The following PARD3 variants were observed in gnomAD, a reference collection of about 807,000 sequenced individuals.
The protein encoded by PARD3 is partitioning defective 3 homolog.
Under a neutral mutation model 155.4 loss-of-function variants are expected in PARD3, and 75 were observed. That is an observed-to-expected ratio of 0.48 (90% CI 0.40 to 0.58). The LOEUF (loss-of-function observed/expected upper bound fraction) is 0.58, where lower values mean the gene tolerates loss of function less well. PARD3 is among the 20% of genes least tolerant of loss of function. PARD3 has a pLI of 0.00. For missense variants in PARD3, 1,642 were observed against 1,721.7 expected, an observed-to-expected ratio of 0.95 and a Z score of 0.82; for synonymous variants, 576 against 610.5, an observed-to-expected ratio of 0.94 and a Z score of 0.83.
At chr10:34,526,080 CAAAAAAAAAAAAA>C (rs765686445) in intron 2 of PARD3, among the ~76,000 whole-genome samples, 1 of 51,824 alleles carries the variant, frequency 1.9e-5, no homozygotes, top group Non-Finnish European at 3.6e-5. Flanking sequence ...GACTCCGTAT[CAAAAAAAAAAAAA>C]AAAAAAAAAA....
intron 2 of PARD3, among the ~76,000 whole-genome samples, chr10:34,676,560 C>T (rs1235581349): frequency 1.3e-5 from 2 of 152,136 alleles, no homozygotes; most frequent in African/African-American, 2.4e-5. Context: ...AATTTAAAGG[C>T]ATGTTTACAA....
intron 22 of PARD3, among the ~76,000 whole-genome samples, chr10:34,240,224 C>T (rs1001251717): frequency 1.3e-5 from 2 of 152,170 alleles, no homozygotes; most frequent in Non-Finnish European, 2.9e-5. Flanking sequence ...GAGAATACAG[C>T]GTGGTCTGGA....
chr10:34,173,544 T>A (rs1369747924), intron 22 of PARD3, among the ~76,000 whole-genome samples: 1 of 152,208 alleles, frequency 6.6e-6, no homozygotes. Flanking sequence ...GGGATCTTGT[T>A]AAGATGAAGA....
intron 1 of PARD3, among the ~76,000 whole-genome samples, chr10:34,800,755 C>T (rs552276901): frequency 6.6e-6 from 1 of 152,090 alleles, no homozygotes; most frequent in Non-Finnish European, 1.5e-5. Context: ...GTTGTTAAAA[C>T]GGTACCTTCC....
intron 22 of PARD3, among the ~76,000 whole-genome samples, chr10:34,229,717 ACT>A (rs1340523810): frequency 6.6e-6 from 1 of 151,558 alleles, no homozygotes. Flanking sequence ...CAGGTCACAA[ACT>A]CTGTTCTGCC....
intron 5 of PARD3, among the ~76,000 whole-genome samples, chr10:34,448,918 CTTTT>C (rs751029992): frequency 1.5e-5 from 2 of 133,806 alleles, no homozygotes; most frequent in Admixed American, 7.4e-5. Context: ...GATAAATTAT[CTTTT>C]TTTTTTTTTT....
chr10:34,317,245 T>C lies in PARD3; in HGVS notation c.2927A>G (p.Asn976Ser), dbSNP rs746127205. 2 of 1,613,878 alleles carry C rather than the reference T, an allele frequency of 1.2e-6. No homozygotes were observed. Among genetic ancestry groups the C allele is most frequent in the South Asian group, 1.1e-5 (1 of 91,064 alleles). Residue 976 changes from asparagine (N) to serine (S), a missense_variant, in exon 20 of 25, where the codon AAT becomes AGT. Asn to Ser is a conservative substitution (Grantham distance 46). Transcript: ENST00000374788. ...CTTATCACCTTTCTCTTGGTTTCCA[T>C]TCATTTGTCTCTCCAGAGAGTGGGA... Reference protein sequence around the residue: ...QPSHSLERQMNGNQEKGDKTD... With the variant: ...QPSHSLERQMSGNQEKGDKTD...
At chr10:34,693,957 TTCTA>T (rs1454210045) in intron 2 of PARD3, among the ~76,000 whole-genome samples, 1 of 152,196 alleles carries the variant, frequency 6.6e-6, no homozygotes, top group Non-Finnish European at 1.5e-5. Flanking sequence ...AAGACTGTGT[TTCTA>T]TCTATCTGAA....
At chr10:34,342,268 G>A (rs552878820) in intron 15 of PARD3, among the ~76,000 whole-genome samples, 3 of 152,318 alleles carry the variant, frequency 2.0e-5, no homozygotes, top group Non-Finnish European at 4.4e-5. Context: ...CTTAAAGGAC[G>A]TATGCCCTAG....
intron 1 of PARD3, among the ~76,000 whole-genome samples, chr10:34,722,656 T>C (rs1309416781): frequency 6.6e-6 from 1 of 152,228 alleles, no homozygotes; most frequent in East Asian, 1.9e-4. Context: ...TTCTTGCCTA[T>C]GCTCCGAAAG....
intron 1 of PARD3, among the ~76,000 whole-genome samples, chr10:34,726,639 T>C (rs994199280): frequency 2.0e-5 from 3 of 152,010 alleles, no homozygotes. Context: ...CAGGCACCTG[T>C]AGTCCCAGCT....
At chr10:34,696,618 C>T (rs1188628287) in intron 1 of PARD3, among the ~76,000 whole-genome samples, 199 bp from the exon 2 acceptor site, 3 of 151,426 alleles carry the variant, frequency 2.0e-5, no homozygotes, top group Non-Finnish European at 4.4e-5. Flanking sequence ...GTGACTCATA[C>T]ACACTCTTCC....
intron 22 of PARD3, among the ~76,000 whole-genome samples, chr10:34,181,951 C>T (rs1950286014): frequency 6.6e-6 from 1 of 152,122 alleles, no homozygotes; most frequent in Non-Finnish European, 1.5e-5. Context: ...TCAGAGACTG[C>T]CCCAGTTTAT....
intron 1 of PARD3, among the ~76,000 whole-genome samples, chr10:34,808,092 T>C (rs1273051000): frequency 5.3e-5 from 8 of 152,228 alleles, no homozygotes; most frequent in African/African-American, 1.4e-4. Flanking sequence ...GGCAGGTGGA[T>C]TGCTTGAGCT....
At chr10:34,398,452 T>G (rs1343952828) in intron 7 of PARD3, among the ~76,000 whole-genome samples, 1 of 150,630 alleles carries the variant, frequency 6.6e-6, no homozygotes, top group Admixed American at 6.6e-5. Context: ...AAAGTTAAAA[T>G]AAAAAGAAAA....
rs1460282189 is a variant in PARD3, at chr10:34,605,807, CTATATATATATCTCCTA to C, written c.223-88665_223-88649del. ...TATATATCTCCTATATATATATCTC[CTATATATATATCTCCTA>C]TATATATATATCTCCTATATATATA... On this transcript the variant is annotated intron_variant, in intron 2 of 24. Transcript: ENST00000374788. 2.6e-4 allele frequency among the ~76,000 whole-genome samples: 4 copies of C among 15,414 alleles called. 2 individuals carry two copies. Among genetic ancestry groups the C allele is most frequent in the South Asian group, 4.6e-3 (2 of 438 alleles). The allele number at this position is 15,414 out of a possible 152,430, so 10.1% of individuals were successfully genotyped here. A position where few individuals can be genotyped will look rare whatever the true frequency, so the allele number is the denominator to read the frequency against.
intron 22 of PARD3, among the ~76,000 whole-genome samples, chr10:34,244,810 C>A (rs1250632933): frequency 1.3e-5 from 2 of 152,062 alleles, no homozygotes; most frequent in African/African-American, 4.8e-5. Context: ...TTACATACTG[C>A]CTTTAAATTC....
chr10:34,780,949 G>A (rs1034948263), intron 1 of PARD3, among the ~76,000 whole-genome samples: 17 of 152,268 alleles, frequency 1.1e-4, no homozygotes, highest in African/African-American at 3.8e-4. Flanking sequence ...CAGCTATAAC[G>A]GGAAACATAA....
chr10:34,484,798 CT>C (rs1227884024), intron 3 of PARD3, among the ~76,000 whole-genome samples: 1 of 152,190 alleles, frequency 6.6e-6, no homozygotes, highest in Non-Finnish European at 1.5e-5. Flanking sequence ...TGAAAAATAA[CT>C]GCTAAATTTT....
Sources: allele counts gnomAD v4.1 joint callset (sites outside exome capture counted in the v4.1 genomes callset), GRCh38; gene constraint gnomAD v4.1.1; transcripts MANE v1.5; gene names NCBI Gene and HGNC (gene_info 2026-07-23, HGNC 2026-07-21).